The following PCDHGB1 variants were observed in gnomAD, a reference collection of about 807,000 sequenced individuals.
PCDHGB1 encodes the protein protocadherin gamma-B1.
Under a neutral mutation model 56.6 loss-of-function variants are expected in PCDHGB1, and 34 were observed. The observed-to-expected ratio is 0.60, with a 90% CI of 0.46 to 0.80. The LOEUF is 0.80. PCDHGB1 is among the 30% of genes least tolerant of loss of function. PCDHGB1 has a pLI of 0.00. For missense variants in PCDHGB1, 1,278 were observed against 1,204.6 expected (o/e 1.06, Z -0.90); for synonymous variants, 561 against 505.9 (o/e 1.11, Z -1.46).
intron 1 of PCDHGB1, chr5:141,409,769 G>C (rs1413636372): frequency 1.2e-6 from 2 of 1,612,776 alleles, no homozygotes; most frequent in Non-Finnish European, 1.7e-6. Context: ...CTTTGATCAC[G>C]AGCAGCTGCG....
At position 141,432,540 on chromosome 5, in the gene PCDHGB1, T is replaced by A. The variant is rs147884705; in HGVS notation, c.2410-62267T>A. 7.6e-4 allele frequency: 1,222 copies of A among 1,613,608 alleles called. 1 individual carries two copies. The highest frequency in any genetic ancestry group is 1.1e-3 in the Admixed American group (64 of 59,988). ...TACCTGGTGACCAAGGTGGTGGCGG[T>A]GGACAGAGACTCCGGCCAGAACGCC... On this transcript the variant is annotated intron_variant, in intron 1 of 3. Transcript: ENST00000523390. This position sits in a 1 kb window ranked among gnomAD's most constrained non-coding sequence, Gnocchi z 6.0.
At chr5:141,456,215 C>T (rs1465130067) in intron 1 of PCDHGB1, among the ~76,000 whole-genome samples, 2 of 152,048 alleles carry the variant, frequency 1.3e-5, no homozygotes, top group African/African-American at 2.4e-5. Flanking sequence ...CTCCCTGTGG[C>T]GATATCAAAC....
chr5:141,403,663 T>C (rs2094439679), intron 1 of PCDHGB1: 3 of 1,613,900 alleles, frequency 1.9e-6, no homozygotes, highest in African/African-American at 1.3e-5. Flanking sequence ...ATACAAATGA[T>C]AATGCCCCGG....
intron 1 of PCDHGB1, chr5:141,385,164 T>A (rs758100484): frequency 9.3e-6 from 15 of 1,614,168 alleles, no homozygotes; most frequent in Non-Finnish European, 1.3e-5. Flanking sequence ...CCTATTCCCA[T>A]GAGGTCTCCC....
intron 1 of PCDHGB1, chr5:141,400,680 G>A (rs1452030965): frequency 1.4e-5 from 12 of 883,960 alleles, no homozygotes; most frequent in Admixed American, 5.5e-5. Context: ...GCAGTAAATT[G>A]TGAGTTTTTA....
intron 3 of PCDHGB1, among the ~76,000 whole-genome samples, chr5:141,507,714 C>T (rs1425955843): frequency 6.6e-6 from 1 of 152,280 alleles, no homozygotes; most frequent in Non-Finnish European, 1.5e-5. Flanking sequence ...GCCCCAAACC[C>T]TCCAAGCAAG....
rs1187424114 is a variant in PCDHGB1, at chr5:141,485,341, G to A, written c.2410-9466G>A. On this transcript the variant is annotated intron_variant, in intron 1 of 3. Transcript: ENST00000523390. The surrounding 1 kb of genome is among the most constrained non-coding windows in gnomAD (Gnocchi z 5.7). ...TCGCTCAAGATTTCCTGCTGGATAC[G>A]GACAGTCTGTCAGCTCGCAGGCTGC... 2 of 1,614,118 alleles carry A rather than the reference G, an allele frequency of 1.2e-6. No individual in the cohort carries two copies. The highest frequency in any genetic ancestry group is 1.7e-5 in the Admixed American group (1 of 60,018).
intron 1 of PCDHGB1, chr5:141,376,204 C>T (rs185484474): frequency 1.7e-5 from 28 of 1,614,080 alleles, no homozygotes; most frequent in Admixed American, 1.3e-4. Context: ...TCCTGGCCTT[C>T]GTCATCGTGC....
chr5:141,502,457 A>G lies in PCDHGB1; in HGVS notation c.2469-2936A>G, dbSNP rs950959171. 6.6e-5 allele frequency among the ~76,000 whole-genome samples: 10 copies of G among 151,926 alleles called. No individual in the cohort carries two copies. The South Asian group carries it at 1.7e-3, about 25-fold the overall frequency. On this transcript the variant is annotated intron_variant, in intron 2 of 3. Coordinates refer to ENST00000523390, the MANE Select transcript of PCDHGB1 (RefSeq NM_018922.3). The stretch of plus-strand genomic sequence containing the variant: ...TTAGATTCAGATTACACACCTTGGT[A>G]GGAATACTTCCCGCAGCATCACACT...
intron 1 of PCDHGB1, chr5:141,384,930 C>A (rs764481830): frequency 6.2e-7 from 1 of 1,614,060 alleles, no homozygotes; most frequent in Admixed American, 1.7e-5. Flanking sequence ...ACCTGGGCAG[C>A]CTTGAGCCCT....
chr5:141,364,350 G>C (rs1275891142), intron 1 of PCDHGB1: 2 of 1,550,364 alleles, frequency 1.3e-6, no homozygotes, highest in South Asian at 2.5e-5. Flanking sequence ...CCACCTAGGG[G>C]CTGGGGCTGC....
chr5:141,410,847 G>GTATTTT, intron 1 of PCDHGB1: 1 of 158,250 alleles, frequency 6.3e-6, no homozygotes, highest in Non-Finnish European at 1.0e-5. Flanking sequence ...TTTTGTCTTT[G>GTATTTT]TCTTTTTTTT....
In PCDHGB1 at chr5:141,387,729, A is replaced by C. The variant is rs536775462; in HGVS notation, c.2409+35060A>C. ...GCCCCAGCTCAGACTCCCCAGCGCC[A>C]GCCTTTACACCGCTTCCTCCTCGGA... On this transcript the variant is annotated intron_variant, in intron 1 of 3. Coordinates refer to ENST00000523390, the MANE Select transcript of PCDHGB1 (RefSeq NM_018922.3). The C allele has an allele frequency of 4.9e-6, 6 of 1,227,140 alleles. No individual in the cohort carries two copies. The African/African-American group carries it at 7.6e-5, about 16-fold the overall frequency. The allele number at this position is 1,227,140 out of a possible 1,614,324, so 76.0% of individuals were successfully genotyped here.
intron 1 of PCDHGB1, chr5:141,426,390 C>T (rs1211244710): frequency 7.9e-6 from 2 of 252,180 alleles, no homozygotes; most frequent in African/African-American, 4.4e-5. Flanking sequence ...AGATCCGCTA[C>T]TCTATTCCAG....
intron 1 of PCDHGB1, among the ~76,000 whole-genome samples, chr5:141,407,220 A>G (rs569421185): frequency 6.6e-6 from 1 of 152,342 alleles, no homozygotes; most frequent in East Asian, 1.9e-4. Context: ...TTAAGTGGGT[A>G]GCAAAAAAAA....
At chr5:141,355,485 C>T (rs1024041667) in intron 1 of PCDHGB1, 1 of 1,614,082 alleles carries the variant, frequency 6.2e-7, no homozygotes, top group Middle Eastern at 1.6e-4. Flanking sequence ...GGGAGGAGCT[C>T]TGCGACAGAT....
At chr5:141,410,058 T>C in intron 1 of PCDHGB1, 1 of 1,613,016 alleles carries the variant, frequency 6.2e-7, no homozygotes, top group Non-Finnish European at 8.5e-7. Context: ...CTCTTCAGCC[T>C]GGGGCTGCGC....
At chr5:141,467,767 C>T (rs72790060) in intron 1 of PCDHGB1, among the ~76,000 whole-genome samples, 25,555 of 151,632 alleles carry the variant, frequency 0.17, 2,195 homozygotes, top group South Asian at 0.22. Context: ...GCTCAAGTGC[C>T]CGCACCTCAG....
chr5:141,427,697 A>G (rs1306378691), intron 1 of PCDHGB1: 3 of 924,392 alleles, frequency 3.2e-6, no homozygotes, highest in South Asian at 1.4e-5. Context: ...CCATCCCACA[A>G]GTCAGCGCCT....
Sources: allele counts gnomAD v4.1 joint callset (sites outside exome capture counted in the v4.1 genomes callset), GRCh38; gene constraint gnomAD v4.1.1; non-coding constraint Gnocchi (gnomAD v3.1); transcripts MANE v1.5; gene names NCBI Gene and HGNC (gene_info 2026-07-23, HGNC 2026-07-21).